The following PTPRD variants were observed in gnomAD, a reference collection of about 807,000 sequenced individuals.
PTPRD encodes protein tyrosine phosphatase receptor type D.
PTPRD carries 34 observed loss-of-function variants against 214.5 expected under a neutral mutation model. That is an observed-to-expected ratio of 0.16 (90% CI 0.12 to 0.21). PTPRD has a LOEUF of 0.21. Among genes scored for constraint, PTPRD ranks in the 10% least tolerant of loss-of-function variants. The probability of loss-of-function intolerance (pLI) is 1.00; values close to 1 mark genes in which losing one functional copy is unlikely to be tolerated. For missense variants in PTPRD, 2,545 were observed against 2,398.7 expected (o/e 1.06, Z -1.27); for synonymous variants, 1,128 against 845.7 (o/e 1.33, Z -5.79).
chr9:9,791,889 A>G (rs765104929), intron 5 of PTPRD, among the ~76,000 whole-genome samples: 21 of 152,268 alleles, frequency 1.4e-4, no homozygotes, highest in Middle Eastern at 6.8e-3. Flanking sequence ...TTATGCTTAG[A>G]AGCTTTATTT....
rs533837818 is a variant in PTPRD at position 10,184,146 on chromosome 9, C to T, written c.-544-150356G>A. Among the ~76,000 whole-genome samples, 15 of 152,070 alleles carry T rather than the reference C, an allele frequency of 9.9e-5. No individual in the cohort carries two copies. In the East Asian group the frequency reaches 2.5e-3, roughly 26 times the overall value. On this transcript the variant is annotated intron_variant, in intron 3 of 45. Coordinates refer to ENST00000381196, the MANE Select transcript of PTPRD (RefSeq NM_002839.4). ...TTTCAATAAAAAAGAAATTTTAGGC[C>T]GGGTGCAGTGGGTCTTGCCTGTTAA...
chr9:9,091,022 G>A (rs1004465709), intron 10 of PTPRD: 34 of 1,565,856 alleles, frequency 2.2e-5, no homozygotes, highest in African/African-American at 1.1e-4. Context: ...TTCGTCATTC[G>A]AAACATAGTG....
chr9:10,049,344 T>C (rs1293351432), intron 3 of PTPRD, among the ~76,000 whole-genome samples: 8 of 148,066 alleles, frequency 5.4e-5, no homozygotes, highest in African/African-American at 2.0e-4. Flanking sequence ...TCAGAAATAG[T>C]AGCTTCTTTA....
At chr9:9,309,768 G>A (rs1247387512) in intron 9 of PTPRD, among the ~76,000 whole-genome samples, 2 of 152,070 alleles carry the variant, frequency 1.3e-5, no homozygotes, top group African/African-American at 2.4e-5. Context: ...CAGCATCTTA[G>A]GTAGTAAGAA....
chr9:9,433,204 C>A lies in PTPRD; in HGVS notation c.-236-35722G>T, dbSNP rs77954934. ...CATTGCCAGACCTCCTACCAACATG[C>A]TTTTTGAAGGACTCGAGATGCCGAT... On this transcript the variant is annotated intron_variant, in intron 8 of 45. Transcript: ENST00000381196. Among the ~76,000 whole-genome samples, 429 of 152,272 alleles carry A rather than the reference C, an allele frequency of 2.8e-3. 2 individuals are homozygous for A. Among genetic ancestry groups the A allele is most frequent in the African/African-American group, 9.9e-3 (412 of 41,548 alleles).
At chr9:10,429,118 T>G (rs887462700) in intron 2 of PTPRD, among the ~76,000 whole-genome samples, 1 of 152,026 alleles carries the variant, frequency 6.6e-6, no homozygotes, top group Admixed American at 6.6e-5. Context: ...AGAAAATAAC[T>G]ACAGTATTTA....
At chr9:10,432,588 G>A (rs750346400) in intron 2 of PTPRD, among the ~76,000 whole-genome samples, 10 of 151,648 alleles carry the variant, frequency 6.6e-5, no homozygotes, top group Non-Finnish European at 1.2e-4. Context: ...CAATCCTCAC[G>A]ACTTCTTAGA....
At chr9:9,624,318 T>G (rs1480960252) in intron 7 of PTPRD, among the ~76,000 whole-genome samples, 1 of 152,110 alleles carries the variant, frequency 6.6e-6, no homozygotes, top group Non-Finnish European at 1.5e-5. Flanking sequence ...AGTCTCACTC[T>G]GTCACCCAGG....
intron 8 of PTPRD, among the ~76,000 whole-genome samples, chr9:9,398,279 A>G (rs536495610): frequency 6.6e-6 from 1 of 152,018 alleles, no homozygotes; most frequent in South Asian, 2.1e-4. Context: ...TGTTCCCACC[A>G]TATTTTATAT....
chr9:9,315,852 T>C (rs1388097618), intron 9 of PTPRD, among the ~76,000 whole-genome samples: 3 of 149,468 alleles, frequency 2.0e-5, no homozygotes, highest in Non-Finnish European at 4.5e-5. Flanking sequence ...TTTTTTTTTT[T>C]TTTTTGCTAC....
At chr9:9,446,316 T>C (rs1242888976) in intron 8 of PTPRD, among the ~76,000 whole-genome samples, 1 of 152,108 alleles carries the variant, frequency 6.6e-6, no homozygotes, top group African/African-American at 2.4e-5. Context: ...TAAAGATAGG[T>C]CTCTTCACAG....
At position 9,748,364 on chromosome 9, in the gene PTPRD, G is replaced by T. The variant is rs141364660; in HGVS notation, c.-325-13793C>A. ...TAAGAAGGGACAATGATCCATAGAAGTGTTTAATAAATTGTGCCATATTCT... is the reference window on the plus strand; with the variant it reads ...TAAGAAGGGACAATGATCCATAGAATTGTTTAATAAATTGTGCCATATTCT... On this transcript the variant is annotated intron_variant, in intron 6 of 45. Transcript: ENST00000381196. Among the ~76,000 whole-genome samples, 663 of 152,298 alleles carry T rather than the reference G, an allele frequency of 4.4e-3. 1 individual carries two copies. Among genetic ancestry groups the T allele is most frequent in the Middle Eastern group, 6.8e-3 (2 of 294 alleles).
intron 5 of PTPRD, among the ~76,000 whole-genome samples, chr9:9,849,842 C>T (rs750603036): frequency 2.6e-5 from 4 of 152,068 alleles, no homozygotes; most frequent in Non-Finnish European, 2.9e-5. Context: ...CACAGGAAAA[C>T]ATTGAAACTG....
intron 3 of PTPRD, among the ~76,000 whole-genome samples, chr9:10,071,566 C>CA (rs1385043431): frequency 1.3e-5 from 2 of 151,510 alleles, no homozygotes; most frequent in African/African-American, 2.4e-5. Flanking sequence ...TGTCTATATG[C>CA]AAAAAAAGGA....
At chr9:9,771,946 A>G (rs1372211091) in intron 5 of PTPRD, among the ~76,000 whole-genome samples, 6 of 152,166 alleles carry the variant, frequency 3.9e-5, no homozygotes, top group Non-Finnish European at 8.8e-5. Context: ...GATAAGCATC[A>G]TTGTTTATTT....
intron 11 of PTPRD, among the ~76,000 whole-genome samples, chr9:8,984,931 A>G (rs72708159): frequency 0.063 from 9,517 of 152,134 alleles, 408 homozygotes; most frequent in East Asian, 0.17. Context: ...TGTGTTTACA[A>G]TCTTATTTGC....
chr9:10,107,490 C>CTTACCGGCTGTG lies in PTPRD; in HGVS notation c.-544-73712_-544-73701dup, dbSNP rs2098646006. Among the ~76,000 whole-genome samples the CTTACCGGCTGTG allele has an allele frequency of 2.6e-5, 4 of 151,948 alleles. No homozygotes were observed. The South Asian group carries it at 8.7e-4, about 33-fold the overall frequency. ...CAGAGTTTATTGATTAACTTTGCCA[C>CTTACCGGCTGTG]TTACCGGCTGTGTAAGCCTAGGCAA... On this transcript the variant is annotated intron_variant, in intron 3 of 45. Coordinates refer to ENST00000381196, the MANE Select transcript of PTPRD (RefSeq NM_002839.4).
At chr9:10,055,472 C>T (rs2097614123) in intron 3 of PTPRD, among the ~76,000 whole-genome samples, 1 of 151,988 alleles carries the variant, frequency 6.6e-6, no homozygotes, top group South Asian at 2.1e-4. Context: ...GATAAGGAAA[C>T]TGAGACTTGG....
chr9:8,972,880 C>A (rs904313795), intron 11 of PTPRD, among the ~76,000 whole-genome samples: 1 of 151,868 alleles, frequency 6.6e-6, no homozygotes, highest in Non-Finnish European at 1.5e-5. Context: ...GAAACACATT[C>A]CTATTCTAGT....
Sources: gnomAD v4.1 joint callset for allele counts (sites outside exome capture counted in the v4.1 genomes callset) on GRCh38, gnomAD v4.1.1 for gene constraint, MANE v1.5 for transcripts, NCBI Gene and HGNC (gene_info 2026-07-23, HGNC 2026-07-21) for gene names.